Variants in AWAT2 observed in about 807,000 individuals in gnomAD.
AWAT2 encodes the protein acyl-CoA wax alcohol acyltransferase 2.
A neutral mutation model predicts 22.3 loss-of-function variants in AWAT2; 9 were observed. The observed-to-expected ratio is 0.40, with a 90% CI of 0.24 to 0.70. AWAT2 has a LOEUF of 0.70. Ranked by LOEUF, AWAT2 falls within the 30% of genes least tolerant of loss-of-function variation. AWAT2 has a pLI of 0.36. For missense variants in AWAT2, 217 were observed against 265.9 expected (o/e 0.82, Z 1.28); for synonymous variants, 100 against 93.4 (o/e 1.07, Z -0.40).
rs145292046 is a variant in AWAT2 at position 70,040,730 on chromosome X, G to C, written c.*928C>G. 0.011 allele frequency: 1,186 copies of C among 111,988 alleles called. 14 individuals carry two copies. The highest frequency in any genetic ancestry group is 0.032 in the African/African-American group (978 of 30,776). The allele number at this position is 111,988 out of a possible 1,213,427, so 9.2% of individuals were successfully genotyped here. ...CACGCAGGATGTTGTAGACCAAATT[G>C]ACCAACGTAATGCAGGTAAATCACT... On this transcript the variant is annotated 3_prime_UTR_variant, in exon 8 of 8. Transcript: ENST00000276101.
Position 70,043,580 on chromosome X carries a change from C to T in AWAT2, c.370G>A (p.Ala124Thr). The T allele has an allele frequency of 8.3e-7, 1 of 1,209,841 alleles. No homozygotes were observed. Residue 124 changes from alanine (A) to threonine (T), a missense_variant, in exon 4 of 8, where the codon GCC becomes ACC. Physicochemically the swap from Ala to Thr is moderately conservative, Grantham distance 58. Coordinates refer to ENST00000276101, the MANE Select transcript of AWAT2 (RefSeq NM_001002254.1). ...HGWFGHFATE[A>T]SGFSKIFPGI... Reference sequence around the variant, plus strand: ...GGAAATATCTTGGAGAAGCCTGAGGCCTCTGTGGCAAAGTGGCCAAACCAT... The same window carrying T: ...GGAAATATCTTGGAGAAGCCTGAGGTCTCTGTGGCAAAGTGGCCAAACCAT...
rs1187080205 is a variant in AWAT2 at position 70,049,867 on chromosome X, G to A, written c.66C>T (p.Ser22=). The A allele has an allele frequency of 5.0e-6, 6 of 1,211,679 alleles. No homozygotes were observed. In the East Asian group the frequency reaches 1.2e-4, roughly 24 times the overall value. ...ALDVFAVFQW[S]FSALLITTTV... ...ACTCACTGATAAGCAAGGCACTGAA[G>A]GACCACTGGAAAACAGCAAAGACAT... The change falls in exon 1 of 8, where the codon TCC becomes TCT. Residue 22 remains serine (S), a synonymous_variant. Coordinates refer to ENST00000276101, the MANE Select transcript of AWAT2 (RefSeq NM_001002254.1).
At position 70,042,368 on chromosome X, in the gene AWAT2, G is replaced by A. The variant is rs779543494; in HGVS notation, c.666C>T (p.Ala222=). ...AGAGGTCCGTCTCCCCAAAGGCATA[G>A]GCAGGTATTAGAGGCACCCTGCAGA... ...ALQHGVPLIP[A]YAFGETDLYD... is the part of the protein sequence containing the mutation. Residue 222 remains alanine, a synonymous_variant, in exon 6 of 8, where the codon GCC becomes GCT. Coordinates refer to ENST00000276101, the MANE Select transcript of AWAT2 (RefSeq NM_001002254.1). 8.3e-7 allele frequency: 1 copy of A among 1,210,374 alleles called. No homozygotes were observed. Among genetic ancestry groups the A allele is most frequent in the Non-Finnish European group, 1.1e-6 (1 of 895,125 alleles).
intron 1 of AWAT2, among the ~76,000 whole-genome samples, chrX:70,048,630 G>A (rs188944464): frequency 8.9e-6 from 1 of 112,178 alleles, no homozygotes; most frequent in Non-Finnish European, 1.9e-5. Context: ...AATACTAATT[G>A]CTGATAAACA....
At chrX:70,048,717 T>A (rs770456699) in intron 1 of AWAT2, among the ~76,000 whole-genome samples, 1 of 112,019 alleles carries the variant, frequency 8.9e-6, no homozygotes, top group Admixed American at 9.5e-5. Flanking sequence ...TGCCTATCAC[T>A]TCTGGGTGGA....
rs756470607 is a variant in AWAT2, at chrX:70,041,770, T to A, written c.*35+3A>T. On this transcript the variant is annotated splice_donor_region_variant and intron_variant, in intron 7 of 7. Transcript: ENST00000276101. ...CTCCTGTTCTCACTGGGTCCATCCA[T>A]ACCTTCCAGCCAGGGTGAAGGCTAC... is the stretch of plus-strand genomic sequence containing the variant. 15 of 1,200,580 alleles carry A rather than the reference T, an allele frequency of 1.2e-5. No individual in the cohort carries two copies. The highest frequency in any genetic ancestry group is 2.3e-4 in the Middle Eastern group (1 of 4,292).
intron 5 of AWAT2, chrX:70,042,863 T>G: frequency 4.8e-6 from 2 of 415,718 alleles, no homozygotes; most frequent in Non-Finnish European, 7.6e-6. Context: ...CAGAGGTGGC[T>G]TTCCTCCTCC....
At chrX:70,042,027 C>T in intron 6 of AWAT2, 65 bp from the exon 7 acceptor site, 7 of 1,154,377 alleles carry the variant, frequency 6.1e-6, no homozygotes, top group Non-Finnish European at 7.0e-6. Context: ...CAGAATGGGC[C>T]CCAGGCTTCA....
At chrX:70,042,906 A>G (rs1211682275) in intron 5 of AWAT2, 163 bp downstream of exon 5, 1 of 456,954 alleles carries the variant, frequency 2.2e-6, no homozygotes, top group African/African-American at 2.6e-5. Flanking sequence ...TTATTTTTTT[A>G]ATTGACAAAT....
rs1053918966 is a variant in AWAT2 at position 70,041,756 on chromosome X, A to G, written c.*35+17T>C. On this transcript the variant is annotated intron_variant, in intron 7 of 7. Coordinates refer to ENST00000276101, the MANE Select transcript of AWAT2 (RefSeq NM_001002254.1). ...AGGTGACTTTTGTCCTCCTGTTCTC[A>G]CTGGGTCCATCCATACCTTCCAGCC... The G allele has an allele frequency of 1.7e-6, 2 of 1,176,199 alleles. No individual in the cohort carries two copies. The highest frequency in any genetic ancestry group is 3.6e-5 in the African/African-American group (2 of 56,328).
intron 1 of AWAT2, among the ~76,000 whole-genome samples, chrX:70,048,344 C>A (rs1305752007): frequency 9.0e-6 from 1 of 111,441 alleles, no homozygotes; most frequent in African/African-American, 3.3e-5. Flanking sequence ...TCTCCAGTCT[C>A]TTCCTTCTTC....
chrX:70,042,988 C>T, intron 5 of AWAT2, 81 bp downstream of exon 5: 1 of 898,222 alleles, frequency 1.1e-6, no homozygotes, highest in Non-Finnish European at 1.5e-6. Flanking sequence ...TGTGGATGTC[C>T]TTTCATCAAA....
chrX:70,042,297 TGGAAGC>T lies in AWAT2; in HGVS notation c.731_736del (p.Arg244_Phe245del). 8.3e-7 allele frequency: 1 copy of T among 1,211,447 alleles called. No homozygotes were observed. Among genetic ancestry groups the T allele is most frequent in the Non-Finnish European group, 1.1e-6 (1 of 894,992 alleles). On this transcript the variant is annotated inframe_deletion, in exon 6 of 8. Transcript: ENST00000276101. ...GTGTACCATGCTCTGGAACCACTTC[TGGAAGC>T]GGTTGACAAAGCCACCAGGAGTGAA...
intron 4 of AWAT2, 86 bp downstream of exon 4, chrX:70,043,392 G>T: frequency 9.9e-7 from 1 of 1,011,213 alleles, no homozygotes; most frequent in Non-Finnish European, 1.3e-6. Context: ...GGGATTGGGA[G>T]CTGGCCTTGC....
chrX:70,041,652 G>A (rs1264462089), intron 7 of AWAT2, 30 bp from the exon 8 acceptor site: 4 of 499,655 alleles, frequency 8.0e-6, no homozygotes, highest in Non-Finnish European at 1.3e-5. Context: ...GGTGGGAAAA[G>A]GAGTGCAGAA....
chrX:70,049,193 A>C (rs1437422753), intron 1 of AWAT2, among the ~76,000 whole-genome samples: 2 of 111,660 alleles, frequency 1.8e-5, no homozygotes, highest in Non-Finnish European at 3.8e-5. Flanking sequence ...ATTCCTAGAT[A>C]GCTTGCAAGG....
intron 1 of AWAT2, among the ~76,000 whole-genome samples, chrX:70,047,245 G>A (rs1030512388): frequency 1.2e-4 from 13 of 112,311 alleles, no homozygotes; most frequent in African/African-American, 3.6e-4. Context: ...GTCTAAAATT[G>A]TTACATCAGC....
At position 70,041,974 on chromosome X, in the gene AWAT2, G is replaced by A. The variant is rs1177511454; in HGVS notation, c.848-12C>T. On this transcript the variant is annotated splice_polypyrimidine_tract_variant and intron_variant, in intron 6 of 7. Coordinates refer to ENST00000276101, the MANE Select transcript of AWAT2 (RefSeq NM_001002254.1). ...TAGAGGCTCCCCGACTGCCAGGGGA[G>A]ACAGTGAAGGAAAAGGGAAAAGCAT... is the stretch of plus-strand genomic sequence containing the variant. 1.3e-5 allele frequency: 16 copies of A among 1,205,824 alleles called. No homozygotes were observed. The highest frequency in any genetic ancestry group is 1.8e-5 in the South Asian group (1 of 56,415).
intron 2 of AWAT2, 48 bp from the exon 3 acceptor site, chrX:70,044,044 G>A: frequency 3.5e-6 from 4 of 1,132,646 alleles, no homozygotes; most frequent in Non-Finnish European, 3.6e-6. Context: ...CCCACTGTGG[G>A]CCTGCCCCAG....
Sources: gnomAD v4.1 joint callset for allele counts (sites outside exome capture counted in the v4.1 genomes callset) on GRCh38, gnomAD v4.1.1 for gene constraint, MANE v1.5 for transcripts, NCBI Gene and HGNC (gene_info 2026-07-23, HGNC 2026-07-21) for gene names.